Variants in CENPW observed in about 807,000 individuals in gnomAD.
CENPW encodes cancer-up-regulated gene 2 protein.
Under a neutral mutation model 11.1 loss-of-function variants are expected in CENPW, and 3 were observed. That is an observed-to-expected ratio of 0.27 (90% confidence interval 0.12 to 0.70). The LOEUF (loss-of-function observed/expected upper bound fraction) is 0.70. CENPW is among the 30% of genes least tolerant of loss of function. The pLI is 0.77. For synonymous variants in CENPW, 38 were observed against 42.0 expected, an observed-to-expected ratio of 0.91 and a Z score of 0.37; for missense variants, 100 against 105.6, an observed-to-expected ratio of 0.95 and a Z score of 0.23.
the CENPW span, among the ~76,000 whole-genome samples, chr6:126,398,715 G>T: frequency 2.0e-5 from 3 of 151,846 alleles, no homozygotes; most frequent in Admixed American, 1.3e-4. Context: ...TGTTACATGG[G>T]TATATTATGT....
At chr6:126,467,142 T>C in the CENPW span, among the ~76,000 whole-genome samples, 1 of 152,126 alleles carries the variant, frequency 6.6e-6, no homozygotes, top group Non-Finnish European at 1.5e-5. Flanking sequence ...AAAAAAACTA[T>C]TTTAAAATTC....
At chr6:126,397,449 C>T in the CENPW span, among the ~76,000 whole-genome samples, 1 of 152,078 alleles carries the variant, frequency 6.6e-6, no homozygotes, top group Non-Finnish European at 1.5e-5. Context: ...AGAGTGGGTT[C>T]GGTGATTCAA....
chr6:126,454,603 C>T, the CENPW span, among the ~76,000 whole-genome samples: 1 of 151,056 alleles, frequency 6.6e-6, no homozygotes, highest in East Asian at 2.0e-4. Context: ...GCACTTTATG[C>T]CTATATCAAA....
the CENPW span, among the ~76,000 whole-genome samples, chr6:126,466,281 C>A: frequency 6.6e-6 from 1 of 152,034 alleles, no homozygotes. Context: ...GGAGGTAAGG[C>A]TAAGTAACTG....
the CENPW span, among the ~76,000 whole-genome samples, chr6:126,466,514 A>T: frequency 6.6e-6 from 1 of 152,114 alleles, no homozygotes; most frequent in Non-Finnish European, 1.5e-5. Context: ...GGAGACAAGA[A>T]TTATCCATGT....
At chr6:126,463,384 G>C in the CENPW span, among the ~76,000 whole-genome samples, 3 of 151,956 alleles carry the variant, frequency 2.0e-5, no homozygotes, top group African/African-American at 7.2e-5. Context: ...TCCTTTAAAA[G>C]AGTATAAATT....
At chr6:126,375,072 T>C in the CENPW span, among the ~76,000 whole-genome samples, 1 of 152,218 alleles carries the variant, frequency 6.6e-6, no homozygotes, top group Non-Finnish European at 1.5e-5. Context: ...CAGACATTTA[T>C]TGAGTTTTAC....
chr6:126,482,036 T>A, the CENPW span, among the ~76,000 whole-genome samples: 5 of 152,076 alleles, frequency 3.3e-5, no homozygotes, highest in Non-Finnish European at 7.4e-5. Context: ...GTATTTATTT[T>A]CCATACTCAT....
chr6:126,459,855 G>A, the CENPW span, among the ~76,000 whole-genome samples: 1 of 151,166 alleles, frequency 6.6e-6, no homozygotes, highest in Non-Finnish European at 1.5e-5. Context: ...AAACAGAAAC[G>A]CTGTTTGTAG....
chr6:126,401,379 C>T, the CENPW span, among the ~76,000 whole-genome samples: 4 of 151,954 alleles, frequency 2.6e-5, no homozygotes, highest in South Asian at 2.1e-4. Flanking sequence ...CATGCTTCTA[C>T]TTGCTACTTT....
chr6:126,393,408 TA>T, the CENPW span, among the ~76,000 whole-genome samples: 2 of 151,730 alleles, frequency 1.3e-5, no homozygotes, highest in Non-Finnish European at 3.0e-5. Context: ...TTTTTTGATG[TA>T]GGCCCTTATA....
the CENPW span, among the ~76,000 whole-genome samples, chr6:126,364,478 T>C: frequency 1.3e-5 from 2 of 152,186 alleles, no homozygotes; most frequent in Non-Finnish European, 1.5e-5. Flanking sequence ...AAATTTATGC[T>C]TCTCCTACTC....
chr6:126,417,629 G>C, the CENPW span, among the ~76,000 whole-genome samples: 1 of 152,152 alleles, frequency 6.6e-6, no homozygotes. Flanking sequence ...ATAAAGCAGA[G>C]TTTCCCTGCA....
At chr6:126,465,524 C>A in the CENPW span, among the ~76,000 whole-genome samples, 1 of 152,064 alleles carries the variant, frequency 6.6e-6, no homozygotes, top group South Asian at 2.1e-4. Context: ...AGTTGACAAG[C>A]TGATTATAAA....
chr6:126,481,722 G>A, the CENPW span, among the ~76,000 whole-genome samples: 1 of 152,016 alleles, frequency 6.6e-6, no homozygotes, highest in Non-Finnish European at 1.5e-5. Flanking sequence ...TTAAACCATA[G>A]CATACATGTT....
the CENPW span, among the ~76,000 whole-genome samples, chr6:126,444,010 TG>T: frequency 6.6e-6 from 1 of 151,112 alleles, no homozygotes; most frequent in Non-Finnish European, 1.5e-5. Flanking sequence ...CATTGTCTTC[TG>T]TCATAAAGCA....
At chr6:126,412,624 C>A in the CENPW span, among the ~76,000 whole-genome samples, 1 of 152,094 alleles carries the variant, frequency 6.6e-6, no homozygotes, top group Non-Finnish European at 1.5e-5. Context: ...TCAGCCATTA[C>A]TTCTTTGAAT....
At chr6:126,415,253 G>C in the CENPW span, among the ~76,000 whole-genome samples, 50 of 151,898 alleles carry the variant, frequency 3.3e-4, no homozygotes, top group African/African-American at 9.9e-4. Context: ...GATTTTTGTT[G>C]TATATATATT....
At chr6:126,441,401 T>A in the CENPW span, among the ~76,000 whole-genome samples, 1 of 151,378 alleles carries the variant, frequency 6.6e-6, no homozygotes. Context: ...CTTCCCTCCA[T>A]TTCCTGCCAC....
Sources: allele counts gnomAD v4.1 joint callset (sites outside exome capture counted in the v4.1 genomes callset), GRCh38; gene constraint gnomAD v4.1.1; transcripts MANE v1.5; gene names NCBI Gene and HGNC (gene_info 2026-07-23, HGNC 2026-07-21).